ZNF77: variants seen among roughly 807,000 people sequenced by gnomAD.
The protein encoded by ZNF77 is ZNFpT1.
ZNF77 carries 15 observed loss-of-function variants against 13.5 expected under a neutral mutation model. That is an observed-to-expected ratio of 1.11 (90% CI 0.74 to 1.71). The LOEUF (loss-of-function observed/expected upper bound fraction) is 1.71, where lower values mean the gene tolerates loss of function less well. ZNF77 is among the 40% of genes most tolerant of loss of function. The probability of loss-of-function intolerance (pLI) is 0.00; values close to 1 mark genes in which losing one functional copy is unlikely to be tolerated. For synonymous variants in ZNF77, 282 were observed against 250.0 expected (o/e 1.13, Z -1.21); for missense variants, 717 against 676.4 (o/e 1.06, Z -0.67).
rs556368046 is a variant in ZNF77, at chr19:2,933,594, C to A, written c.1533G>T (p.Val511=). ...ACGGTCTCTCTCCAGTGTGCGTTCT[C>A]ACGTGCACACGAAGGGACGAGGAAC... ...YSCSSSLRVH[V]RTHTGERPYE... Residue 511 remains valine (V), a synonymous_variant, in exon 4 of 4, where the codon GTG becomes GTT. Transcript: ENST00000314531. 2.5e-5 allele frequency: 40 copies of A among 1,613,884 alleles called. 1 individual carries two copies. The South Asian group carries it at 4.0e-4, about 16-fold the overall frequency.
Position 2,934,010 on chromosome 19 carries a change from T to C in ZNF77, c.1117A>G (p.Met373Val). The C allele has an allele frequency of 6.2e-7, 1 of 1,614,184 alleles. No homozygotes were observed. Among genetic ancestry groups the C allele is most frequent in the Non-Finnish European group, 8.5e-7 (1 of 1,180,032 alleles). Residue 373 changes from methionine (M) to valine (V), a missense_variant, in exon 4 of 4, where the codon ATG (methionine) becomes GTG (valine). Met to Val is a conservative substitution (Grantham distance 21, BLOSUM62 1). Coordinates refer to ENST00000314531, the MANE Select transcript of ZNF77 (RefSeq NM_021217.3). ...ACATAGGGCTTCTCTCCGGTGTGCA[T>C]TCTCATGTGTGCTCGCAGAGAGGAG... ...YPSSLRAHMR[M>V]HTGEKPYVCK...
At chr19:2,936,739 A>G (rs761384601) in intron 2 of ZNF77, 35 bp from the exon 3 acceptor site, 22 of 1,569,288 alleles carry the variant, frequency 1.4e-5, no homozygotes, top group Non-Finnish European at 1.9e-5. Flanking sequence ...CTTAGGAGAA[A>G]TATGTTGGGA....
intron 2 of ZNF77, 85 bp from the exon 3 acceptor site, chr19:2,936,789 T>C (rs2088402062): frequency 1.6e-6 from 2 of 1,274,634 alleles, no homozygotes; most frequent in Non-Finnish European, 1.1e-6. Flanking sequence ...TTTCATATAG[T>C]AATCCAAAAA....
At chr19:2,942,026 A>G (rs1255112872) in intron 1 of ZNF77, among the ~76,000 whole-genome samples, 1 of 151,848 alleles carries the variant, frequency 6.6e-6, no homozygotes, top group Non-Finnish European at 1.5e-5. Flanking sequence ...ATCCAAGACA[A>G]TGACTGCCCT....
Position 2,933,451 on chromosome 19 carries a change from C to A in ZNF77, c.*38G>T, listed in dbSNP as rs780784599. 5.3e-6 allele frequency: 8 copies of A among 1,506,634 alleles called. No individual in the cohort carries two copies. The highest frequency in any genetic ancestry group is 7.1e-6 in the Non-Finnish European group (8 of 1,128,524). The allele number at this position is 1,506,634 out of a possible 1,614,324, so 93.3% of individuals were successfully genotyped here. A position where few individuals can be genotyped will look rare whatever the true frequency, so the allele number is the denominator to read the frequency against. On this transcript the variant is annotated 3_prime_UTR_variant, in exon 4 of 4. Coordinates refer to ENST00000314531, the MANE Select transcript of ZNF77 (RefSeq NM_021217.3). ...TTCTCACATTTACAACAAGGTTTTACGGTTGAACACTCTCCCAGGTCCACT... is the reference window on the plus strand; with the variant it reads ...TTCTCACATTTACAACAAGGTTTTAAGGTTGAACACTCTCCCAGGTCCACT...
chr19:2,933,585 G>A lies in ZNF77; in HGVS notation c.1542C>T (p.His514=), dbSNP rs762627427. The A allele has an allele frequency of 5.6e-6, 9 of 1,613,970 alleles. No individual in the cohort carries two copies. In the South Asian group the frequency reaches 8.8e-5, roughly 16 times the overall value. Reference sequence around the variant, plus strand: ...TGCATTCATACGGTCTCTCTCCAGTGTGCGTTCTCACGTGCACACGAAGGG... The same window carrying A: ...TGCATTCATACGGTCTCTCTCCAGTATGCGTTCTCACGTGCACACGAAGGG... ...SSSLRVHVRT[H]TGERPYECKQ... is the part of the protein sequence containing the mutation. The change falls in exon 4 of 4, where the codon CAC becomes CAT. Residue 514 remains histidine (H), a synonymous_variant. Coordinates refer to ENST00000314531, the MANE Select transcript of ZNF77 (RefSeq NM_021217.3).
chr19:2,937,429 G>A (rs1245626705), intron 2 of ZNF77, among the ~76,000 whole-genome samples: 1 of 151,720 alleles, frequency 6.6e-6, no homozygotes, highest in East Asian at 1.9e-4. Flanking sequence ...GGGTTGCATT[G>A]AGCCAAGATC....
intron 1 of ZNF77, among the ~76,000 whole-genome samples, chr19:2,940,083 C>G (rs111563221): frequency 2.0e-5 from 3 of 151,818 alleles, no homozygotes; most frequent in African/African-American, 7.3e-5. Flanking sequence ...CTTTGGGAGG[C>G]CAAGGTGAGA....
intron 2 of ZNF77, among the ~76,000 whole-genome samples, chr19:2,937,447 T>C (rs574352552): frequency 4.0e-5 from 6 of 151,472 alleles, no homozygotes; most frequent in African/African-American, 1.2e-4. Flanking sequence ...ATCGCACCAT[T>C]GCACTCCAGC....
intron 2 of ZNF77, 96 bp from the exon 3 acceptor site, chr19:2,936,800 T>G: frequency 1.7e-6 from 2 of 1,154,112 alleles, no homozygotes; most frequent in Admixed American, 2.7e-5. Context: ...AATCCAAAAA[T>G]GTACCGTTTA....
Position 2,944,929 on chromosome 19 carries a change from G to A in ZNF77, c.-89C>T, listed in dbSNP as rs951181993. On this transcript the variant is annotated 5_prime_UTR_variant, in exon 1 of 4. Transcript: ENST00000314531. ...GCACGACAGGACACCTGAGCCGCTCGGGGTAGGCGGGGAAGCGCGCAAGGC... is the reference window on the plus strand; with the variant it reads ...GCACGACAGGACACCTGAGCCGCTCAGGGTAGGCGGGGAAGCGCGCAAGGC... 4.8e-6 allele frequency: 7 copies of A among 1,444,276 alleles called. No individual in the cohort carries two copies. The African/African-American group carries it at 5.9e-5, about 12-fold the overall frequency. 89.5% of individuals were successfully genotyped at this position (1,444,276 alleles called of 1,614,324 possible).
chr19:2,941,864 C>T (rs1270985123), intron 1 of ZNF77, among the ~76,000 whole-genome samples: 2 of 152,112 alleles, frequency 1.3e-5, no homozygotes, highest in South Asian at 2.1e-4. Context: ...ACACCTTCGC[C>T]CACCTCACAA....
At chr19:2,940,022 G>A (rs951207278) in intron 1 of ZNF77, among the ~76,000 whole-genome samples, 1 of 151,976 alleles carries the variant, frequency 6.6e-6, no homozygotes, top group African/African-American at 2.4e-5. Context: ...CATGGAAATT[G>A]ACATGACTTG....
chr19:2,944,228 C>T (rs1348922466), intron 1 of ZNF77, among the ~76,000 whole-genome samples: 2 of 147,912 alleles, frequency 1.4e-5, no homozygotes, highest in African/African-American at 5.0e-5. Context: ...TCTACTGCCC[C>T]CCTTAAAGTG....
Position 2,933,934 on chromosome 19 carries a change from T to G in ZNF77, c.1193A>C (p.His398Pro). 2 of 1,613,762 alleles carry G rather than the reference T, an allele frequency of 1.2e-6. No homozygotes were observed. The highest frequency in any genetic ancestry group is 1.7e-6 in the Non-Finnish European group (2 of 1,179,866). The change falls in exon 4 of 4, where the codon CAT (histidine) becomes CCT (proline). Residue 398 changes from histidine to proline, a missense_variant. Coordinates refer to ENST00000314531, the MANE Select transcript of ZNF77 (RefSeq NM_021217.3). ...AFGCPTYFRR[H>P]VKTHSGVKPY... ...CTTCACCCCGCTGTGTGTTTTCACATGTCTTCTAAAGTAAGTGGGACATCC... is the reference window on the plus strand; with the variant it reads ...CTTCACCCCGCTGTGTGTTTTCACAGGTCTTCTAAAGTAAGTGGGACATCC...
chr19:2,941,967 G>A (rs1031577784), intron 1 of ZNF77, among the ~76,000 whole-genome samples: 12 of 152,018 alleles, frequency 7.9e-5, no homozygotes, highest in African/African-American at 2.2e-4. Flanking sequence ...CAGCCTTCTC[G>A]GGCTAAGCCA....
intron 1 of ZNF77, 62 bp from the exon 2 acceptor site, chr19:2,939,469 A>AG (rs1021801497): frequency 6.3e-7 from 1 of 1,595,284 alleles, no homozygotes; most frequent in African/African-American, 1.3e-5. Flanking sequence ...GCGCAGGAAG[A>AG]GGGGTGAGGC....
intron 1 of ZNF77, among the ~76,000 whole-genome samples, chr19:2,942,601 T>C (rs1220921353): frequency 1.3e-5 from 2 of 151,928 alleles, no homozygotes; most frequent in African/African-American, 4.8e-5. Flanking sequence ...GACGAGGCTG[T>C]TCGCAGCTGT....
At chr19:2,938,535 A>G (rs1216858801) in intron 2 of ZNF77, among the ~76,000 whole-genome samples, 1 of 152,200 alleles carries the variant, frequency 6.6e-6, no homozygotes, top group Admixed American at 6.5e-5. Flanking sequence ...GAAAACCTAA[A>G]TATCAATCAT....
Sources: gnomAD v4.1 joint callset for allele counts (sites outside exome capture counted in the v4.1 genomes callset) on GRCh38, gnomAD v4.1.1 for gene constraint, MANE v1.5 for transcripts, NCBI Gene and HGNC (gene_info 2026-07-23, HGNC 2026-07-21) for gene names.